PDSS2: variants seen among roughly 807,000 people sequenced by gnomAD.
The protein encoded by PDSS2 is decaprenyl diphosphate synthase subunit 2.
In PDSS2, 31 loss-of-function variants were observed where a neutral mutation model predicts 44.5. That is an observed-to-expected ratio of 0.70 (90% confidence interval 0.52 to 0.94). The LOEUF is 0.94. Among genes scored for constraint, PDSS2 ranks in the 40% least tolerant of loss-of-function variants. The probability of loss-of-function intolerance (pLI) is 0.00; values close to 1 mark genes in which losing one functional copy is unlikely to be tolerated. For synonymous variants in PDSS2, 157 were observed against 180.3 expected (o/e 0.87, Z 1.03); for missense variants, 452 against 482.2 (o/e 0.94, Z 0.59).
intron 1 of PDSS2, among the ~76,000 whole-genome samples, chr6:107,339,551 G>C (rs1273205350): frequency 1.3e-5 from 2 of 152,146 alleles, no homozygotes; most frequent in African/African-American, 4.8e-5. Context: ...AATAAAAAAC[G>C]AATCATGAGG....
intron 1 of PDSS2, among the ~76,000 whole-genome samples, chr6:107,453,122 T>G (rs992347849): frequency 6.6e-6 from 1 of 151,740 alleles, no homozygotes; most frequent in Non-Finnish European, 1.5e-5. Flanking sequence ...CAAGCTGGAG[T>G]GCAGTGGTGC....
intron 4 of PDSS2, among the ~76,000 whole-genome samples, chr6:107,235,751 G>A (rs1226995193): frequency 2.6e-5 from 4 of 152,196 alleles, no homozygotes; most frequent in African/African-American, 9.7e-5. Flanking sequence ...AAATGACACA[G>A]ATGATATAAT....
intron 4 of PDSS2, among the ~76,000 whole-genome samples, chr6:107,215,573 A>T (rs1184515511): frequency 6.6e-6 from 1 of 152,174 alleles, no homozygotes; most frequent in Non-Finnish European, 1.5e-5. Context: ...GAGATAAGAG[A>T]AAGGTAGATG....
At chr6:107,161,274 A>C (rs976339064) in intron 7 of PDSS2, among the ~76,000 whole-genome samples, 7 of 151,674 alleles carry the variant, frequency 4.6e-5, no homozygotes, top group Non-Finnish European at 2.9e-5. Flanking sequence ...AGGTCGGGAG[A>C]TCGAGACCAT....
intron 7 of PDSS2, among the ~76,000 whole-genome samples, chr6:107,176,421 C>A (rs537350619): frequency 4.0e-3 from 255 of 64,362 alleles, no homozygotes; most frequent in Admixed American, 0.012. Context: ...TTAACACACA[C>A]ACACACATAC....
At chr6:107,216,581 T>C (rs1432845057) in intron 4 of PDSS2, among the ~76,000 whole-genome samples, 1 of 152,200 alleles carries the variant, frequency 6.6e-6, no homozygotes, top group Non-Finnish European at 1.5e-5. Context: ...AAAATACTAT[T>C]GCAGGAACAA....
In PDSS2 at chr6:107,193,887, C is replaced by CT. The variant is rs536556257; in HGVS notation, c.1009-34dup. On this transcript the variant is annotated intron_variant, in intron 6 of 7. Transcript: ENST00000369037. ...AGAAGAGGGGAAAATTAATTTGTTA[C>CT]TTCTCTAAAAGTTTAGTGCTTCTAT... is the stretch of plus-strand genomic sequence containing the variant. 2.2e-3 allele frequency: 3,228 copies of CT among 1,455,470 alleles called. 10 individuals are homozygous for CT. Among genetic ancestry groups the CT allele is most frequent in the Middle Eastern group, 4.3e-3 (25 of 5,772 alleles). 90.2% of individuals were successfully genotyped at this position (1,455,470 alleles called of 1,614,324 possible).
chr6:107,429,407 G>C (rs1781100783), intron 1 of PDSS2, among the ~76,000 whole-genome samples: 2 of 152,154 alleles, frequency 1.3e-5, no homozygotes, highest in African/African-American at 4.8e-5. Context: ...CTCCCATACA[G>C]TGAGATTTCA....
At chr6:107,364,694 A>G (rs1778909038) in intron 1 of PDSS2, among the ~76,000 whole-genome samples, 1 of 152,172 alleles carries the variant, frequency 6.6e-6, no homozygotes, top group East Asian at 1.9e-4. Flanking sequence ...GGGCTCCCAC[A>G]GTGCAGTGGG....
intron 1 of PDSS2, among the ~76,000 whole-genome samples, chr6:107,368,165 A>T (rs1779018653): frequency 6.6e-6 from 1 of 151,134 alleles, no homozygotes; most frequent in South Asian, 2.1e-4. Context: ...GCTACTCAGG[A>T]GGCTGAGGCA....
chr6:107,298,656 T>C (rs1359547535), intron 2 of PDSS2, among the ~76,000 whole-genome samples: 4 of 152,236 alleles, frequency 2.6e-5, no homozygotes. Flanking sequence ...TATATGTGTG[T>C]GTATATATAG....
chr6:107,253,650 A>G (rs1232328460), intron 3 of PDSS2, among the ~76,000 whole-genome samples: 1 of 152,178 alleles, frequency 6.6e-6, no homozygotes, highest in Non-Finnish European at 1.5e-5. Context: ...GTGCAGCTAT[A>G]TACATTTTTA....
At chr6:107,194,101 A>C (rs1012277457) in intron 6 of PDSS2, among the ~76,000 whole-genome samples, 1 of 152,218 alleles carries the variant, frequency 6.6e-6, no homozygotes, top group African/African-American at 2.4e-5. Context: ...CACGACTCTT[A>C]ATGTCACATG....
intron 1 of PDSS2, among the ~76,000 whole-genome samples, chr6:107,434,406 T>C (rs748778156): frequency 4.5e-4 from 69 of 152,148 alleles, no homozygotes; most frequent in Non-Finnish European, 8.1e-4. Context: ...ATATACACAA[T>C]GGAGTATTTA....
At chr6:107,420,385 T>C (rs1780786751) in intron 1 of PDSS2, among the ~76,000 whole-genome samples, 1 of 152,126 alleles carries the variant, frequency 6.6e-6, no homozygotes, top group African/African-American at 2.4e-5. Flanking sequence ...AAAACAAGTT[T>C]GAAAAAGAAG....
At chr6:107,225,137 TTATATATATATA>T (rs1554256031) in intron 4 of PDSS2, among the ~76,000 whole-genome samples, 1 of 62,396 alleles carries the variant, frequency 1.6e-5, no homozygotes, top group Non-Finnish European at 2.6e-5. Context: ...ATATATATTT[TTATATATATATA>T]TATATATATA....
Position 107,210,366 on chromosome 6 carries a change from C to T in PDSS2, c.1008+73G>A, listed in dbSNP as rs1290131799. On this transcript the variant is annotated intron_variant, in intron 6 of 7. Coordinates refer to ENST00000369037, the MANE Select transcript of PDSS2 (RefSeq NM_020381.4). ...AGGCTCATCTATAGCCATATATCAC[C>T]AAGAAATATCAATTATGTTCTAAAA... The T allele has an allele frequency of 2.6e-6, 3 of 1,135,326 alleles. No homozygotes were observed. In the African/African-American group the frequency reaches 4.6e-5, roughly 17 times the overall value. 70.3% of individuals were successfully genotyped at this position (1,135,326 alleles called of 1,614,324 possible).
chr6:107,454,602 G>C (rs561252662), intron 1 of PDSS2, among the ~76,000 whole-genome samples: 2 of 151,196 alleles, frequency 1.3e-5, no homozygotes, highest in Non-Finnish European at 2.9e-5. Context: ...GATGTCTTAG[G>C]TAAAGAGATC....
At chr6:107,373,128 C>A (rs1274753018) in intron 1 of PDSS2, among the ~76,000 whole-genome samples, 1 of 151,846 alleles carries the variant, frequency 6.6e-6, no homozygotes, top group Non-Finnish European at 1.5e-5. Flanking sequence ...GGACTACAGG[C>A]GTGTGCCACC....
Sources: gnomAD v4.1 joint callset for allele counts (sites outside exome capture counted in the v4.1 genomes callset) on GRCh38, gnomAD v4.1.1 for gene constraint, MANE v1.5 for transcripts, NCBI Gene and HGNC (gene_info 2026-07-23, HGNC 2026-07-21) for gene names.